BPNT2: variants seen among roughly 807,000 people sequenced by gnomAD.
BPNT2 encodes the protein Golgi-resident adenosine 3',5'-bisphosphate 3'-phosphatase.
Under a neutral mutation model 29.3 loss-of-function variants are expected in BPNT2, and 11 were observed. The ratio of observed to expected loss-of-function variants is 0.38; its 90% CI spans 0.24 to 0.62. The LOEUF (loss-of-function observed/expected upper bound fraction) is 0.62. Ranked by LOEUF, BPNT2 falls within the 20% of genes least tolerant of loss-of-function variation. The pLI is 0.62. For synonymous variants in BPNT2, 195 were observed against 187.7 expected (o/e 1.04, Z -0.32); for missense variants, 459 against 473.4 (o/e 0.97, Z 0.28).
rs1354149008 is a variant in BPNT2 at position 56,962,318 on chromosome 8, C to G, written c.*1475G>C. On this transcript the variant is annotated 3_prime_UTR_variant, in exon 5 of 5. Transcript: ENST00000262644. ...CAAACCTAAAGTATGCACATTCCAC[C>G]AGGCTAGAACGTACATTCTTTGGTC... The G allele has an allele frequency of 1.3e-5, 2 of 152,196 alleles. No individual in the cohort carries two copies. The highest frequency in any genetic ancestry group is 2.9e-5 in the Non-Finnish European group (2 of 68,026). The allele number at this position is 152,196 out of a possible 1,614,324, so 9.4% of individuals were successfully genotyped here.
At position 56,971,784 on chromosome 8, in the gene BPNT2, C is replaced by CCCCA. The variant is rs1806037894; in HGVS notation, c.647-5433_647-5432insTGGG. On this transcript the variant is annotated intron_variant, in intron 3 of 4. Transcript: ENST00000262644. Reference sequence around the variant, plus strand: ...TATTACTGAAATAATTTTGTACCACCCCCCCCCCCACAATGCTACTGTGTG... The same window carrying CCCCA: ...TATTACTGAAATAATTTTGTACCACCCCCACCCCCCCCCACAATGCTACTGTGTG... Among the ~76,000 whole-genome samples the CCCCA allele has an allele frequency of 2.2e-5, 3 of 139,532 alleles. 1 individual carries two copies. The highest frequency in any genetic ancestry group is 5.1e-4 in the South Asian group (2 of 3,902). The allele number at this position is 139,532 out of a possible 152,430, so 91.5% of individuals were successfully genotyped here. A position where few individuals can be genotyped will look rare whatever the true frequency, so the allele number is the denominator to read the frequency against.
chr8:56,987,731 C>CTTT (rs35492743), intron 1 of BPNT2, among the ~76,000 whole-genome samples: 3 of 140,116 alleles, frequency 2.1e-5, no homozygotes, highest in Non-Finnish European at 4.7e-5. Context: ...TAACTATTTT[C>CTTT]TTTTTTTTTT....
intron 1 of BPNT2, 84 bp downstream of exon 1, chr8:56,993,115 A>C: frequency 6.5e-7 from 1 of 1,533,960 alleles, no homozygotes; most frequent in Non-Finnish European, 8.7e-7. Context: ...TGGAACCAGA[A>C]GCTCCACATC....
chr8:56,981,029 G>C lies in BPNT2; in HGVS notation c.388-832C>G, dbSNP rs555135195. 4.6e-5 allele frequency among the ~76,000 whole-genome samples: 7 copies of C among 151,992 alleles called. No homozygotes were observed. The South Asian group carries it at 1.2e-3, about 27-fold the overall frequency. On this transcript the variant is annotated intron_variant, in intron 1 of 4. Transcript: ENST00000262644. ...CTCAATTTGGCACGACTGACAATTT[G>C]GACTGTATAATTCCTTGTTGTGGGG...
At chr8:56,991,615 A>G (rs891855286) in intron 1 of BPNT2, among the ~76,000 whole-genome samples, 1 of 152,356 alleles carries the variant, frequency 6.6e-6, no homozygotes, top group African/African-American at 2.4e-5. Context: ...GAGTGTCACG[A>G]GCCTCAGATT....
chr8:56,986,554 G>A (rs1192696838), intron 1 of BPNT2, among the ~76,000 whole-genome samples: 3 of 152,170 alleles, frequency 2.0e-5, no homozygotes, highest in East Asian at 3.9e-4. Context: ...GTTACGTCCT[G>A]ATAAACCCAT....
intron 2 of BPNT2, among the ~76,000 whole-genome samples, chr8:56,978,543 G>T (rs1388469180): frequency 6.6e-6 from 1 of 151,802 alleles, no homozygotes; most frequent in African/African-American, 2.4e-5. Context: ...TCCCATTACT[G>T]GTCCAAAAGA....
rs533099339 is a variant in BPNT2, at chr8:56,960,075, T to C, written c.*3718A>G. 3.3e-5 allele frequency: 5 copies of C among 152,282 alleles called. No individual in the cohort carries two copies. In the East Asian group the frequency reaches 5.8e-4, roughly 18 times the overall value. 9.4% of individuals were successfully genotyped at this position (152,282 alleles called of 1,614,324 possible). On this transcript the variant is annotated 3_prime_UTR_variant, in exon 5 of 5. Coordinates refer to ENST00000262644, the MANE Select transcript of BPNT2 (RefSeq NM_017813.5). ...CTAGGATCAATCAACACATAGCCAA[T>C]AGGTAGTTACAGCTAGAATAATTCC...
At chr8:56,973,945 T>A (rs1806081481) in intron 3 of BPNT2, among the ~76,000 whole-genome samples, 1 of 152,168 alleles carries the variant, frequency 6.6e-6, no homozygotes, top group Non-Finnish European at 1.5e-5. Context: ...AAGTATATCC[T>A]GCCTCTCCTT....
intron 1 of BPNT2, among the ~76,000 whole-genome samples, chr8:56,983,570 T>C (rs1260848496): frequency 6.6e-6 from 1 of 152,064 alleles, no homozygotes; most frequent in Non-Finnish European, 1.5e-5. Flanking sequence ...ATTAACAATG[T>C]GCAGAGGGTC....
intron 1 of BPNT2, among the ~76,000 whole-genome samples, chr8:56,984,108 G>A (rs189053102): frequency 9.2e-5 from 14 of 152,066 alleles, no homozygotes; most frequent in African/African-American, 1.2e-4. Flanking sequence ...CTTACAAAAC[G>A]GCAGTGCCAA....
chr8:56,960,156 G>A lies in BPNT2; in HGVS notation c.*3637C>T, dbSNP rs144160061. 3 of 152,182 alleles carry A rather than the reference G, an allele frequency of 2.0e-5. No homozygotes were observed. The highest frequency in any genetic ancestry group is 6.5e-5 in the Admixed American group (1 of 15,284). The allele number at this position is 152,182 out of a possible 1,614,324, so 9.4% of individuals were successfully genotyped here. ...CTCCAAAAGGCCATCTTCAAAGTGC[G>A]ATCTAAGAGAGGAAAGCTGAATATT... On this transcript the variant is annotated 3_prime_UTR_variant, in exon 5 of 5. Coordinates refer to ENST00000262644, the MANE Select transcript of BPNT2 (RefSeq NM_017813.5).
Position 56,993,636 on chromosome 8 carries a change from C to CCCG in BPNT2, c.-54_-52dup, listed in dbSNP as rs756084314. ...CTGCGGCTCTCACAGGCCTCCAGCG[C>CCCG]CCGCCGCCGCCGCCGCCGCAGCCGC... On this transcript the variant is annotated 5_prime_UTR_variant, in exon 1 of 5. Transcript: ENST00000262644. The CCCG allele has an allele frequency of 2.2e-4, 265 of 1,230,168 alleles. No individual in the cohort carries two copies. The highest frequency in any genetic ancestry group is 2.0e-3 in the African/African-American group (125 of 62,936). 76.2% of individuals were successfully genotyped at this position (1,230,168 alleles called of 1,614,324 possible). A position where few individuals can be genotyped will look rare whatever the true frequency, so the allele number is the denominator to read the frequency against.
At chr8:56,987,386 A>C (rs1354159486) in intron 1 of BPNT2, among the ~76,000 whole-genome samples, 1 of 152,196 alleles carries the variant, frequency 6.6e-6, no homozygotes, top group Non-Finnish European at 1.5e-5. Flanking sequence ...GCCCTCTCTA[A>C]TGTGGGTGGG....
chr8:56,993,509 T>C lies in BPNT2; in HGVS notation c.77A>G (p.His26Arg), dbSNP rs2129207468. 1.3e-6 allele frequency: 2 copies of C among 1,498,626 alleles called. No homozygotes were observed. Among genetic ancestry groups the C allele is most frequent in the South Asian group, 1.3e-5 (1 of 78,870 alleles). 92.8% of individuals were successfully genotyped at this position (1,498,626 alleles called of 1,614,324 possible). Residue 26 changes from histidine to arginine, a missense_variant, in exon 1 of 5, where the codon CAC becomes CGC. Coordinates refer to ENST00000262644, the MANE Select transcript of BPNT2 (RefSeq NM_017813.5). ...GCCGGCCAAGAAGCCCGAGTAGAGG[T>C]GGTAGAGCACGCCGAGCCCCAGCAG... ...FCLLGLGVLY[H>R]LYSGFLAGRF...
At position 56,966,316 on chromosome 8, in the gene BPNT2, G is replaced by A. The variant is rs1410968908; in HGVS notation, c.683C>T (p.Ala228Val). 1.2e-6 allele frequency: 2 copies of A among 1,613,942 alleles called. No individual in the cohort carries two copies. The highest frequency in any genetic ancestry group is 1.7e-6 in the Non-Finnish European group (2 of 1,179,902). The change falls in exon 4 of 5, where the codon GCC becomes GTC. Residue 228 changes from alanine to valine, a missense_variant. Physicochemically the swap from Ala to Val is moderately conservative, Grantham distance 64 (BLOSUM62 0). Coordinates refer to ENST00000262644, the MANE Select transcript of BPNT2 (RefSeq NM_017813.5). ...GGTCTTCTCATTGTAGGAAGAGCGG[G>A]CTTTCACATTTGAACCACCATCTAC... ...AMVDGGSNVKARSSYNEKTPR... is the reference protein window; with the variant it reads ...AMVDGGSNVKVRSSYNEKTPR...
chr8:56,982,089 T>C (rs1489601292), intron 1 of BPNT2, among the ~76,000 whole-genome samples: 1 of 151,878 alleles, frequency 6.6e-6, no homozygotes, highest in East Asian at 1.9e-4. Context: ...ATACTAATAT[T>C]CTAGAAACAT....
At chr8:56,975,062 A>C (rs1314097923) in intron 3 of BPNT2, among the ~76,000 whole-genome samples, 2 of 152,184 alleles carry the variant, frequency 1.3e-5, no homozygotes, top group Non-Finnish European at 2.9e-5. Context: ...GCAGGGGTTT[A>C]ATGGATAGGA....
In BPNT2 at chr8:56,993,710, G is replaced by T; in HGVS notation, c.-125C>A. 4 of 1,004,808 alleles carry T rather than the reference G, an allele frequency of 4.0e-6. No homozygotes were observed. Among genetic ancestry groups the T allele is most frequent in the Non-Finnish European group, 4.8e-6 (4 of 841,470 alleles). 62.2% of individuals were successfully genotyped at this position (1,004,808 alleles called of 1,614,324 possible). ...CGGGCTACACTGGCGCCCGCTCCCC[G>T]GCCCCGGTGCGCCCCATCACTCCCT... On this transcript the variant is annotated 5_prime_UTR_variant, in exon 1 of 5. Coordinates refer to ENST00000262644, the MANE Select transcript of BPNT2 (RefSeq NM_017813.5).
Sources: allele counts gnomAD v4.1 joint callset (sites outside exome capture counted in the v4.1 genomes callset), GRCh38; gene constraint gnomAD v4.1.1; transcripts MANE v1.5; gene names NCBI Gene and HGNC (gene_info 2026-07-23, HGNC 2026-07-21).